C11orf65: variants seen among roughly 807,000 people sequenced by gnomAD.
C11orf65 encodes the protein protein MFI.
Under a neutral mutation model 35.3 loss-of-function variants are expected in C11orf65, and 38 were observed. The observed-to-expected ratio is 1.08, with a 90% CI of 0.83 to 1.41. The LOEUF (loss-of-function observed/expected upper bound fraction) is 1.41, where lower values mean the gene tolerates loss of function less well. Among genes scored for constraint, C11orf65 ranks in the 40% most tolerant of loss-of-function variants. The pLI, the probability that C11orf65 is intolerant of heterozygous loss-of-function variation, is 0.00. For missense variants in C11orf65, 370 were observed against 367.1 expected, an observed-to-expected ratio of 1.01 and a Z score of -0.06; for synonymous variants, 105 against 114.4, an observed-to-expected ratio of 0.92 and a Z score of 0.53.
downstream of C11orf65, chr11:108,330,356 G>T (rs587779864): frequency 6.2e-7 from 1 of 1,614,164 alleles, no homozygotes; most frequent in Non-Finnish European, 8.5e-7. Context: ...TGATATGTGG[G>T]TATTCCGACT....
chr11:108,464,664 T>C (rs888081949), intron 1 of C11orf65, among the ~76,000 whole-genome samples: 9 of 152,114 alleles, frequency 5.9e-5, no homozygotes, highest in African/African-American at 1.9e-4. Context: ...CTGGTGCACA[T>C]ATATATTTGA....
At chr11:108,463,084 C>T (rs1429695056) in intron 1 of C11orf65, among the ~76,000 whole-genome samples, 1 of 152,128 alleles carries the variant, frequency 6.6e-6, no homozygotes. Context: ...TATGATTGCA[C>T]CACTGCACTC....
chr11:108,357,317 G>A (rs227051), intron 2 of C11orf65, among the ~76,000 whole-genome samples: 76,019 of 149,158 alleles, frequency 0.51, 19,574 homozygotes, highest in Middle Eastern at 0.72. Flanking sequence ...CTCGCTGATT[G>A]CTAGCACAGC....
chr11:108,433,650 T>C (rs1426865579), intron 2 of C11orf65, among the ~76,000 whole-genome samples: 3 of 152,148 alleles, frequency 2.0e-5, no homozygotes, highest in Non-Finnish European at 4.4e-5. Flanking sequence ...TTACAAGGTT[T>C]CTTAAGGCCT....
chr11:108,329,209 C>T (rs2136422492), downstream of C11orf65: 9 of 1,613,776 alleles, frequency 5.6e-6, no homozygotes, highest in Non-Finnish European at 7.6e-6. Flanking sequence ...AAGTAGGTCT[C>T]CTTAGGGAAC....
At chr11:108,449,787 G>C (rs2093320908) in intron 2 of C11orf65, among the ~76,000 whole-genome samples, 1 of 151,904 alleles carries the variant, frequency 6.6e-6, no homozygotes, top group Admixed American at 6.6e-5. Flanking sequence ...TTGACAAATG[G>C]GATCTAATTA....
Position 108,353,810 on chromosome 11 carries a change from G to A in C11orf65, c.227-18518C>T, listed in dbSNP as rs587780643. Reference sequence around the variant, plus strand: ...CAAAATCCTTCCTACTCCTGAGACAGTTCCTTTTAGACTCACCAGAGATAT... The same window carrying A: ...CAAAATCCTTCCTACTCCTGAGACAATTCCTTTTAGACTCACCAGAGATAT... On this transcript the variant is annotated intron_variant, in intron 2 of 3. Transcript: ENST00000524755. 8.7e-6 allele frequency: 14 copies of A among 1,613,980 alleles called. No individual in the cohort carries two copies. In the Admixed American group the frequency reaches 2.3e-4, roughly 27 times the overall value.
intron 2 of C11orf65, among the ~76,000 whole-genome samples, chr11:108,375,314 G>C (rs929468302): frequency 6.6e-5 from 10 of 152,086 alleles, no homozygotes; most frequent in Non-Finnish European, 1.2e-4. Flanking sequence ...AGCCAGAAGA[G>C]AGTAGGGGCC....
intron 6 of C11orf65, chr11:108,321,277 G>T (rs750605436): frequency 6.2e-7 from 1 of 1,613,696 alleles, no homozygotes; most frequent in South Asian, 1.1e-5. Flanking sequence ...TATTTTCAGA[G>T]TGTCTTTTCT....
intron 2 of C11orf65, 72 bp from the exon 3 acceptor site, chr11:108,431,910 AG>A: frequency 1.2e-6 from 1 of 866,546 alleles, no homozygotes; most frequent in Non-Finnish European, 1.7e-6. Context: ...TTGTCTAATC[AG>A]GGCAAAAACG....
intron 3 of C11orf65, among the ~76,000 whole-genome samples, chr11:108,420,650 C>T (rs1283611779): frequency 6.6e-6 from 1 of 152,176 alleles, no homozygotes; most frequent in African/African-American, 2.4e-5. Context: ...GATCTAACAG[C>T]ATATCCCTTA....
In C11orf65 at chr11:108,335,068, T is replaced by C. The variant is rs1591192055; in HGVS notation, c.299+152A>G. On this transcript the variant is annotated intron_variant, in intron 3 of 3. Coordinates refer to the C11orf65 transcript ENST00000524755. ...TGTAAATTTACCAAAAATAATAGAT[T>C]GTGTAGGTTCCGATGGCAAGGAGAG... 6.2e-7 allele frequency: 1 copy of C among 1,614,098 alleles called. No individual in the cohort carries two copies. The highest frequency in any genetic ancestry group is 1.1e-5 in the South Asian group (1 of 91,084).
chr11:108,438,996 A>T (rs2093109390), intron 2 of C11orf65, among the ~76,000 whole-genome samples: 1 of 151,922 alleles, frequency 6.6e-6, no homozygotes, highest in East Asian at 1.9e-4. Context: ...ACAGAGCGAG[A>T]CTCCATCTAA....
rs587780638 is a variant in C11orf65, at chr11:108,325,544, G to A, written c.641-16473C>T. On this transcript the variant is annotated intron_variant, in intron 6 of 6. Coordinates refer to the C11orf65 transcript ENST00000525729. ...TGGCCAGAACTTTCAAGAACACTCAGGTAAATACAATTTAAAACTATGTCA... is the reference window on the plus strand; with the variant it reads ...TGGCCAGAACTTTCAAGAACACTCAAGTAAATACAATTTAAAACTATGTCA... The A allele has an allele frequency of 6.3e-6, 10 of 1,591,990 alleles. No individual in the cohort carries two copies. Among genetic ancestry groups the A allele is most frequent in the Non-Finnish European group, 7.7e-6 (9 of 1,163,644 alleles).
At chr11:108,364,261 A>G (rs1341700320) in intron 2 of C11orf65, among the ~76,000 whole-genome samples, 1 of 152,214 alleles carries the variant, frequency 6.6e-6, no homozygotes, top group Non-Finnish European at 1.5e-5. Flanking sequence ...CTGTAGAATC[A>G]TTCTTTATAT....
At chr11:108,345,262 G>A (rs1240850427) in intron 2 of C11orf65, among the ~76,000 whole-genome samples, 1 of 152,168 alleles carries the variant, frequency 6.6e-6, no homozygotes, top group Non-Finnish European at 1.5e-5. Context: ...GCACATAGAT[G>A]GAAGGGAGTT....
intron 2 of C11orf65, among the ~76,000 whole-genome samples, chr11:108,360,458 C>A (rs1336820774): frequency 8.4e-6 from 1 of 119,676 alleles, no homozygotes. Context: ...AGGCCAGCAT[C>A]ATTCTGATAC....
At chr11:108,321,439 T>C in intron 6 of C11orf65, 1 of 1,613,918 alleles carries the variant, frequency 6.2e-7, no homozygotes. Context: ...TTCGTATGAC[T>C]TTGTTATCCT....
In C11orf65 at chr11:108,431,791, T is replaced by C; in HGVS notation, c.129A>G (p.Arg43=). 2.0e-6 allele frequency: 3 copies of C among 1,529,992 alleles called. No individual in the cohort carries two copies. The highest frequency in any genetic ancestry group is 2.7e-6 in the Non-Finnish European group (3 of 1,124,492). The allele number at this position is 1,529,992 out of a possible 1,614,324, so 94.8% of individuals were successfully genotyped here. The change falls in exon 3 of 9, where the codon AGA becomes AGG. Residue 43 remains arginine (R), a synonymous_variant. Coordinates refer to ENST00000393084, the MANE Select transcript of C11orf65 (RefSeq NM_152587.5). ...QHFKSLIDLR[R]QGEPRQIVKY... ...TCACTATCTGACGTGGTTCTCCTTG[T>C]CTTCTTAAATCAATCAGACTTTTAA...
Sources: gnomAD v4.1 joint callset for allele counts (sites outside exome capture counted in the v4.1 genomes callset) on GRCh38, gnomAD v4.1.1 for gene constraint, MANE v1.5 for transcripts, NCBI Gene and HGNC (gene_info 2026-07-23, HGNC 2026-07-21) for gene names.